Variants in SCGB2B2 observed in about 807,000 individuals in gnomAD.
SCGB2B2 encodes secretoglobin-like protein.
Under a neutral mutation model 7.6 loss-of-function variants are expected in SCGB2B2, and 11 were observed. That is an observed-to-expected ratio of 1.45 (90% CI 0.91 to 2.40). The LOEUF is 2.40. Ranked by LOEUF, SCGB2B2 falls within the 30% of genes most tolerant of loss-of-function variation. The probability of loss-of-function intolerance (pLI) is 0.00; values close to 1 mark genes in which losing one functional copy is unlikely to be tolerated. For synonymous variants in SCGB2B2, 50 were observed against 48.6 expected (o/e 1.03, Z -0.12); for missense variants, 104 against 115.4 (o/e 0.90, Z 0.45).
rs1030854898 is a variant in SCGB2B2, at chr19:34,645,549, C to G, written c.-2032+30081G>C. The stretch of plus-strand genomic sequence containing the variant: ...AGACACACACAGACACAGACACACA[C>G]ACACACACACACACACACACACACG... On this transcript the variant is annotated intron_variant, in intron 1 of 3. Coordinates refer to ENST00000601241, the MANE Select transcript of SCGB2B2 (RefSeq NM_001025591.4). 259 of 76,338 alleles carry G rather than the reference C, an allele frequency of 3.4e-3. 1 individual carries two copies. Among genetic ancestry groups the G allele is most frequent in the African/African-American group, 8.6e-3 (212 of 24,624 alleles). The allele number at this position is 76,338 out of a possible 1,614,324, so 4.7% of individuals were successfully genotyped here.
intron 1 of SCGB2B2, among the ~76,000 whole-genome samples, chr19:34,649,308 A>C (rs1191609281): frequency 6.6e-6 from 1 of 151,984 alleles, no homozygotes; most frequent in African/African-American, 2.4e-5. Flanking sequence ...AGGAAAAAAG[A>C]GAGAAATCCT....
chr19:34,665,941 A>T (rs1358075913), intron 1 of SCGB2B2, among the ~76,000 whole-genome samples: 2 of 151,982 alleles, frequency 1.3e-5, no homozygotes, highest in Non-Finnish European at 2.9e-5. Context: ...GGGTCCAGAG[A>T]AGGAAGGAAG....
intron 1 of SCGB2B2, among the ~76,000 whole-genome samples, chr19:34,659,413 T>C (rs2067386297): frequency 6.6e-6 from 1 of 152,228 alleles, no homozygotes; most frequent in African/African-American, 2.4e-5. Context: ...CAAAATCTCC[T>C]TAAGCTGATA....
chr19:34,675,981 C>G lies in SCGB2B2; in HGVS notation c.-2383G>C, dbSNP rs2067923943. ...TGCAGCTCATAAAGGTAGTGCAGAC[C>G]CAAAGAGCAAAAGAACAAACATCCC... On this transcript the variant is annotated 5_prime_UTR_variant, in exon 1 of 4. Coordinates refer to ENST00000601241, the MANE Select transcript of SCGB2B2 (RefSeq NM_001025591.4). 1 of 152,132 alleles carries G rather than the reference C, an allele frequency of 6.6e-6. No individual in the cohort carries two copies. The highest frequency in any genetic ancestry group is 1.5e-5 in the Non-Finnish European group (1 of 68,048). 9.4% of individuals were successfully genotyped at this position (152,132 alleles called of 1,614,324 possible).
At chr19:34,669,938 C>T (rs1407656409) in intron 1 of SCGB2B2, among the ~76,000 whole-genome samples, 2 of 152,150 alleles carry the variant, frequency 1.3e-5, no homozygotes, top group Admixed American at 1.3e-4. Flanking sequence ...TTGGGGTTCC[C>T]ATGGGAAAAG....
rs2065276268 is a variant in SCGB2B2 at position 34,590,657 on chromosome 19, A to G, written c.*2898T>C. ...TGAAATTCAATATTCTATGAAACAT[A>G]CAAGTAGGGAATATAATTCCTTATA... On this transcript the variant is annotated 3_prime_UTR_variant, in exon 4 of 4. Transcript: ENST00000601241. 6.6e-6 allele frequency among the ~76,000 whole-genome samples: 1 copy of G among 152,240 alleles called. No individual in the cohort carries two copies. Among genetic ancestry groups the G allele is most frequent in the South Asian group, 2.1e-4 (1 of 4,830 alleles).
In SCGB2B2 at chr19:34,590,743, A is replaced by G. The variant is rs1257799764; in HGVS notation, c.*2812T>C. Among the ~76,000 whole-genome samples, 2 of 91,790 alleles carry G rather than the reference A, an allele frequency of 2.2e-5. No homozygotes were observed. The highest frequency in any genetic ancestry group is 1.9e-3 in the East Asian group (2 of 1,078). 60.2% of individuals were successfully genotyped at this position (91,790 alleles called of 152,430 possible). On this transcript the variant is annotated 3_prime_UTR_variant, in exon 4 of 4. Coordinates refer to ENST00000601241, the MANE Select transcript of SCGB2B2 (RefSeq NM_001025591.4). ...TAACAGAGTCGTAAGCATTTTAGTT[A>G]AAGTAAACTCACAGGACATTGTCAT... is the stretch of plus-strand genomic sequence containing the variant.
At chr19:34,626,155 G>A (rs2066370503) in intron 1 of SCGB2B2, among the ~76,000 whole-genome samples, 2 of 152,020 alleles carry the variant, frequency 1.3e-5, no homozygotes, top group South Asian at 2.1e-4. Context: ...ACAAAGATGG[G>A]GAAAAAACAG....
chr19:34,675,463 T>C (rs1172478677), intron 1 of SCGB2B2, among the ~76,000 whole-genome samples, 167 bp downstream of exon 1: 7 of 152,128 alleles, frequency 4.6e-5, no homozygotes, highest in Admixed American at 3.3e-4. Flanking sequence ...CTGGGTAAAA[T>C]GAGGCTGAGA....
intron 1 of SCGB2B2, chr19:34,632,803 C>T (rs1463752737): frequency 1.3e-5 from 2 of 152,238 alleles, no homozygotes; most frequent in South Asian, 2.1e-4. Context: ...GACTGCCCCT[C>T]CCAGGGCTAG....
At chr19:34,610,277 T>G (rs910885117) in intron 1 of SCGB2B2, among the ~76,000 whole-genome samples, 2 of 152,130 alleles carry the variant, frequency 1.3e-5, no homozygotes, top group Non-Finnish European at 2.9e-5. Context: ...GGCATCCTCC[T>G]ATCCAGGCTG....
At chr19:34,641,773 C>A (rs1194648908) in intron 1 of SCGB2B2, among the ~76,000 whole-genome samples, 1 of 152,108 alleles carries the variant, frequency 6.6e-6, no homozygotes, top group Non-Finnish European at 1.5e-5. Context: ...AAACAAGGAC[C>A]AGTTAAGAGA....
In SCGB2B2 at chr19:34,594,796, G is replaced by A. The variant is rs1568427151; in HGVS notation, c.-233C>T. On this transcript the variant is annotated 5_prime_UTR_variant, in exon 2 of 4. Transcript: ENST00000601241. ...TCGGGAACTGGACTCAGCATGCAGT[G>A]GGAGGGGTTGGGTGTTGTGACATTC... 1 of 563,460 alleles carries A rather than the reference G, an allele frequency of 1.8e-6. No individual in the cohort carries two copies. The highest frequency in any genetic ancestry group is 3.0e-5 in the East Asian group (1 of 33,192). 34.9% of individuals were successfully genotyped at this position (563,460 alleles called of 1,614,324 possible).
intron 1 of SCGB2B2, among the ~76,000 whole-genome samples, chr19:34,652,793 T>C (rs958353376): frequency 3.3e-5 from 5 of 151,356 alleles, no homozygotes; most frequent in Admixed American, 6.6e-5. Context: ...TGAAAAACAG[T>C]ATGAGGGTTC....
At chr19:34,620,718 T>C (rs1028243061) in intron 1 of SCGB2B2, among the ~76,000 whole-genome samples, 2 of 152,226 alleles carry the variant, frequency 1.3e-5, no homozygotes, top group Non-Finnish European at 2.9e-5. Flanking sequence ...TAAATTATAA[T>C]TCATAGTTCC....
At chr19:34,613,985 T>C (rs1486915659) in intron 1 of SCGB2B2, among the ~76,000 whole-genome samples, 3 of 152,200 alleles carry the variant, frequency 2.0e-5, no homozygotes, top group African/African-American at 7.2e-5. Flanking sequence ...GTGAAGAAAA[T>C]TGCTATTGGT....
chr19:34,609,939 C>T (rs2065884373), intron 1 of SCGB2B2, among the ~76,000 whole-genome samples: 1 of 152,080 alleles, frequency 6.6e-6, no homozygotes, highest in Non-Finnish European at 1.5e-5. Context: ...AACATTAATT[C>T]TTCCAATCAT....
In SCGB2B2 at chr19:34,594,651, T is replaced by TAG; in HGVS notation, c.-89_-88insCT. The stretch of plus-strand genomic sequence containing the variant: ...ATATCTGAACAAGGCACATGCCTCT[T>TAG]CGTGTGTGTGTGTGTGTGTGTGTGT... On this transcript the variant is annotated 5_prime_UTR_variant, in exon 2 of 4. The change abolishes the stop of an existing upstream ORF in the 5' untranslated region. Transcript: ENST00000601241. The TAG allele has an allele frequency of 3.8e-6, 3 of 791,626 alleles. No homozygotes were observed. The highest frequency in any genetic ancestry group is 6.3e-6 in the Non-Finnish European group (3 of 477,080). 49.0% of individuals were successfully genotyped at this position (791,626 alleles called of 1,614,324 possible). A position where few individuals can be genotyped will look rare whatever the true frequency, so the allele number is the denominator to read the frequency against.
downstream of SCGB2B2, among the ~76,000 whole-genome samples, chr19:34,587,214 AGTT>A (rs1299597143): frequency 2.6e-5 from 4 of 152,226 alleles, no homozygotes; most frequent in African/African-American, 9.6e-5. Flanking sequence ...GGCAATATGT[AGTT>A]TTTTTGAGTC....
Sources: allele counts gnomAD v4.1 joint callset (sites outside exome capture counted in the v4.1 genomes callset), GRCh38; gene constraint gnomAD v4.1.1; transcripts MANE v1.5; gene names NCBI Gene and HGNC (gene_info 2026-07-23, HGNC 2026-07-21).